The following SORCS2 variants were observed in gnomAD, a reference collection of about 807,000 sequenced individuals.
SORCS2 encodes VPS10 domain-containing receptor SorCS2.
In SORCS2, 100 loss-of-function variants were observed where a neutral mutation model predicts 141.6. That is an observed-to-expected ratio of 0.71 (90% CI 0.60 to 0.83). The LOEUF is 0.83. SORCS2 is among the 40% of genes least tolerant of loss of function. The pLI is 0.00. For missense variants in SORCS2, 1,646 were observed against 1,560.2 expected, an observed-to-expected ratio of 1.05 and a Z score of -0.93; for synonymous variants, 789 against 676.9, an observed-to-expected ratio of 1.17 and a Z score of -2.57.
chr4:7,634,772 C>A (rs1720135820), intron 3 of SORCS2, among the ~76,000 whole-genome samples: 2 of 152,326 alleles, frequency 1.3e-5, no homozygotes, highest in Middle Eastern at 6.8e-3. Context: ...AGGATCCTGG[C>A]CGGGAAGGGC....
intron 17 of SORCS2, among the ~76,000 whole-genome samples, chr4:7,716,616 CCCATCTGTCCATCCATCCATCTACCCAT>C (rs1726209163): frequency 2.0e-5 from 3 of 152,120 alleles, no homozygotes; most frequent in South Asian, 2.1e-4. Context: ...TATCCACCCA[CCCATCTGTCCATCCATCCATCTACCCAT>C]CCATCTATCC....
chr4:7,699,248 G>A (rs761227372), intron 12 of SORCS2, among the ~76,000 whole-genome samples: 5 of 152,132 alleles, frequency 3.3e-5, no homozygotes, highest in African/African-American at 9.7e-5. Context: ...AGGAATGGGC[G>A]TCTGAAGAGC....
At chr4:7,671,246 G>A (rs1291366008) in intron 8 of SORCS2, among the ~76,000 whole-genome samples, 2 of 152,062 alleles carry the variant, frequency 1.3e-5, no homozygotes, top group Non-Finnish European at 2.9e-5. Flanking sequence ...TATTATTAAT[G>A]TCCAATCTAA....
chr4:7,433,342 A>T, intron 2 of SORCS2: 1 of 1,425,906 alleles, frequency 7.0e-7, no homozygotes, highest in Non-Finnish European at 9.2e-7. Context: ...GTGGAGGTGC[A>T]TCTCTTTCCA....
chr4:7,248,025 G>T (rs1183097832), intron 1 of SORCS2, among the ~76,000 whole-genome samples: 1 of 152,198 alleles, frequency 6.6e-6, no homozygotes, highest in African/African-American at 2.4e-5. Flanking sequence ...AAGGGAGCAG[G>T]GTGTCTTCCC....
rs549076713 is a variant in SORCS2, at chr4:7,486,747, G to A, written c.549-44783G>A. Among the ~76,000 whole-genome samples, 41 of 152,254 alleles carry A rather than the reference G, an allele frequency of 2.7e-4. 1 individual carries two copies. The highest frequency in any genetic ancestry group is 1.9e-4 in the East Asian group (1 of 5,172). On this transcript the variant is annotated intron_variant, in intron 2 of 26. Transcript: ENST00000507866. Reference sequence around the variant, plus strand: ...CGGCTTCTAGTGGCTCCAGGTGTGCGTGCCCCCAGCCTCTACAGCTGCCCT... The same window carrying A: ...CGGCTTCTAGTGGCTCCAGGTGTGCATGCCCCCAGCCTCTACAGCTGCCCT...
At chr4:7,267,760 A>T (rs1305546545) in intron 1 of SORCS2, among the ~76,000 whole-genome samples, 1 of 152,214 alleles carries the variant, frequency 6.6e-6, no homozygotes, top group East Asian at 1.9e-4. Context: ...TGAATCTGGG[A>T]GACGGAGGTT....
chr4:7,326,950 G>A (rs1269421675), intron 1 of SORCS2, among the ~76,000 whole-genome samples: 1 of 143,800 alleles, frequency 7.0e-6, no homozygotes, highest in Non-Finnish European at 1.5e-5. Context: ...GGCCTCTCCT[G>A]TTGTCCCCTG....
rs540846381 is a variant in SORCS2 at position 7,202,761 on chromosome 4, C to A, written c.480+9635C>A. 2.1e-3 allele frequency among the ~76,000 whole-genome samples: 313 copies of A among 152,270 alleles called. 1 individual carries two copies. Among genetic ancestry groups the A allele is most frequent in the African/African-American group, 6.6e-3 (275 of 41,544 alleles). On this transcript the variant is annotated intron_variant, in intron 1 of 26. Coordinates refer to ENST00000507866, the MANE Select transcript of SORCS2 (RefSeq NM_020777.3). ...CCGTGCATATTTCTGAAGCATCAGA[C>A]GTAGTGATAACATCTCCTAGGCCTC...
chr4:7,457,670 G>A (rs1729005926), intron 2 of SORCS2, among the ~76,000 whole-genome samples: 1 of 151,228 alleles, frequency 6.6e-6, no homozygotes, highest in Non-Finnish European at 1.5e-5. Flanking sequence ...TTCACACCAG[G>A]GAGCATGCCC....
intron 3 of SORCS2, among the ~76,000 whole-genome samples, chr4:7,596,720 T>C (rs1442653309): frequency 1.3e-5 from 2 of 152,048 alleles, no homozygotes; most frequent in Non-Finnish European, 2.9e-5. Flanking sequence ...AGTTTCTCCA[T>C]TGGGCACCCA....
intron 1 of SORCS2, among the ~76,000 whole-genome samples, chr4:7,206,838 C>G (rs1465891576): frequency 6.6e-6 from 1 of 152,090 alleles, no homozygotes; most frequent in Non-Finnish European, 1.5e-5. Context: ...TAAAACAAAA[C>G]AAAACAAGAC....
chr4:7,240,350 A>G (rs1368036878), intron 1 of SORCS2, among the ~76,000 whole-genome samples: 1 of 152,210 alleles, frequency 6.6e-6, no homozygotes, highest in Non-Finnish European at 1.5e-5. Context: ...TTTCACCAGC[A>G]AATTACCTCG....
At chr4:7,627,810 G>A (rs1338613241) in intron 3 of SORCS2, among the ~76,000 whole-genome samples, 1 of 152,256 alleles carries the variant, frequency 6.6e-6, no homozygotes, top group Admixed American at 6.5e-5. Flanking sequence ...CCATTCACCA[G>A]TGTTGGTTAG....
intron 14 of SORCS2, among the ~76,000 whole-genome samples, chr4:7,705,184 G>T (rs534321222): frequency 4.6e-5 from 7 of 152,128 alleles, no homozygotes; most frequent in African/African-American, 1.7e-4. Context: ...AGGCCGGGGA[G>T]GGAGGAGGCA....
intron 1 of SORCS2, among the ~76,000 whole-genome samples, chr4:7,386,253 C>T (rs553175380): frequency 5.5e-5 from 3 of 54,780 alleles, no homozygotes; most frequent in East Asian, 1.5e-3. Flanking sequence ...CGTGCACACA[C>T]ATACAGGTAC....
chr4:7,386,696 C>T (rs985391932), intron 1 of SORCS2, among the ~76,000 whole-genome samples: 7 of 148,882 alleles, frequency 4.7e-5, no homozygotes, highest in African/African-American at 1.2e-4. Flanking sequence ...CACACATGCA[C>T]ACACAGATAC....
chr4:7,723,675 G>A (rs774463465), intron 18 of SORCS2, 22 bp from the exon 19 acceptor site: 4 of 1,613,516 alleles, frequency 2.5e-6, no homozygotes, highest in Non-Finnish European at 3.4e-6. Context: ...CTCCTGAGTG[G>A]CCACATGGTG....
At chr4:7,324,823 C>T (rs1719135844) in intron 1 of SORCS2, among the ~76,000 whole-genome samples, 1 of 152,180 alleles carries the variant, frequency 6.6e-6, no homozygotes, top group Non-Finnish European at 1.5e-5. Flanking sequence ...AGTGGAGGTG[C>T]AAGAGCTGTC....
Sources: gnomAD v4.1 joint callset for allele counts (sites outside exome capture counted in the v4.1 genomes callset) on GRCh38, gnomAD v4.1.1 for gene constraint, MANE v1.5 for transcripts, NCBI Gene and HGNC (gene_info 2026-07-23, HGNC 2026-07-21) for gene names.